TTC39C: variants seen among roughly 807,000 people sequenced by gnomAD.
The protein encoded by TTC39C is tetratricopeptide repeat domain 39C, also known as tetratricopeptide repeat protein 39C.
A neutral mutation model predicts 76.3 loss-of-function variants in TTC39C; 33 were observed. The observed-to-expected ratio is 0.43, with a 90% CI of 0.33 to 0.58. TTC39C has a LOEUF of 0.58. TTC39C is among the 20% of genes least tolerant of loss of function. The probability of loss-of-function intolerance (pLI) is 0.04; values close to 1 mark genes in which losing one functional copy is unlikely to be tolerated. For synonymous variants in TTC39C, 254 were observed against 260.6 expected (o/e 0.97, Z 0.24); for missense variants, 595 against 701.4 (o/e 0.85, Z 1.71).
intron 10 of TTC39C, chr18:24,125,776 G>A: frequency 2.1e-6 from 1 of 479,976 alleles, no homozygotes; most frequent in South Asian, 4.0e-5. Context: ...CCTTGAACAT[G>A]TGCTGCTTTT....
intron 11 of TTC39C, among the ~76,000 whole-genome samples, chr18:24,129,605 C>T (rs2085096525): frequency 6.6e-6 from 1 of 151,908 alleles, no homozygotes; most frequent in Non-Finnish European, 1.5e-5. Flanking sequence ...GGAACCCCGT[C>T]TCTACTGAAA....
intron 6 of TTC39C, among the ~76,000 whole-genome samples, chr18:24,090,798 T>A (rs908977196): frequency 3.8e-5 from 2 of 52,874 alleles, no homozygotes; most frequent in African/African-American, 1.5e-4. Flanking sequence ...ATTAATTTAC[T>A]TTTTTTTTTT....
Position 24,069,245 on chromosome 18 carries a change from T to C in TTC39C, c.434T>C (p.Leu145Pro), listed in dbSNP as rs1438259559. 1 of 1,613,890 alleles carries C rather than the reference T, an allele frequency of 6.2e-7. No homozygotes were observed. Among genetic ancestry groups the C allele is most frequent in the South Asian group, 1.1e-5 (1 of 91,068 alleles). Reference sequence around the variant, plus strand: ...GACTGCCAGGTTTACCTGGCTGTGCTTTCATTTGTAAAACAAGAATTGTCA... The same window carrying C: ...GACTGCCAGGTTTACCTGGCTGTGCCTTCATTTGTAAAACAAGAATTGTCA... ...IADCQVYLAV[L>P]SFVKQELSAY... The change falls in exon 4 of 14, where the codon CTT becomes CCT. Residue 145 changes from leucine to proline, a missense_variant. Transcript: ENST00000317571.
intron 1 of TTC39C, among the ~76,000 whole-genome samples, chr18:24,009,066 A>G (rs1812510767): frequency 6.6e-6 from 1 of 152,146 alleles, no homozygotes; most frequent in Admixed American, 6.5e-5. Context: ...GAGGCTGGGA[A>G]AAAGGAGAGG....
intron 1 of TTC39C, among the ~76,000 whole-genome samples, chr18:24,034,101 G>A (rs552372681): frequency 3.4e-4 from 52 of 152,278 alleles, no homozygotes; most frequent in Non-Finnish European, 5.7e-4. Flanking sequence ...AAGGAGGAAG[G>A]TTGTAAGAAA....
intron 1 of TTC39C, among the ~76,000 whole-genome samples, chr18:24,032,813 A>G (rs2083686801): frequency 6.6e-6 from 1 of 152,242 alleles, no homozygotes; most frequent in Non-Finnish European, 1.5e-5. Flanking sequence ...GGCTGTACAA[A>G]TCCCAGTTAG....
chr18:24,045,914 TA>T (rs1568417381), intron 1 of TTC39C, among the ~76,000 whole-genome samples: 51 of 31,044 alleles, frequency 1.6e-3, no homozygotes, highest in African/African-American at 7.8e-3. Flanking sequence ...TATATATATA[TA>T]TATATATATA....
chr18:24,078,060 G>C (rs376383667), intron 4 of TTC39C, among the ~76,000 whole-genome samples: 2 of 152,246 alleles, frequency 1.3e-5, no homozygotes, highest in South Asian at 2.1e-4. Flanking sequence ...AAATATTCTT[G>C]TTAAGTAGAA....
chr18:24,102,764 G>A (rs1453697790), intron 6 of TTC39C, among the ~76,000 whole-genome samples: 1 of 152,182 alleles, frequency 6.6e-6, no homozygotes, highest in Non-Finnish European at 1.5e-5. Context: ...TGGCCCCTCT[G>A]ATGATGATGA....
intron 8 of TTC39C, chr18:24,123,580 T>A: frequency 3.4e-6 from 1 of 297,286 alleles, no homozygotes; most frequent in South Asian, 6.4e-5. Flanking sequence ...CTTATTTTTG[T>A]GTTTTTAGCA....
At chr18:23,999,598 A>C (rs2083296171) in intron 1 of TTC39C, among the ~76,000 whole-genome samples, 1 of 98,946 alleles carries the variant, frequency 1.0e-5, no homozygotes, top group South Asian at 2.5e-4. Context: ...TGCTGGGAAC[A>C]GCCGGTGCCC....
At chr18:24,017,380 T>C (rs529468145) in intron 1 of TTC39C, among the ~76,000 whole-genome samples, 7 of 152,322 alleles carry the variant, frequency 4.6e-5, no homozygotes, top group South Asian at 2.1e-4. Flanking sequence ...ATCTATAAAA[T>C]AGGAGTAACA....
chr18:24,047,668 A>G (rs1212315649), intron 1 of TTC39C, among the ~76,000 whole-genome samples: 3 of 152,098 alleles, frequency 2.0e-5, no homozygotes, highest in African/African-American at 7.2e-5. Flanking sequence ...AGGAAAACCT[A>G]TGCTTGTAAC....
chr18:24,059,971 C>G (rs1207860716), intron 1 of TTC39C, among the ~76,000 whole-genome samples: 1 of 152,150 alleles, frequency 6.6e-6, no homozygotes, highest in Non-Finnish European at 1.5e-5. Flanking sequence ...ATAAAACAAT[C>G]AGATCTCATG....
intron 1 of TTC39C, among the ~76,000 whole-genome samples, chr18:24,036,942 G>A (rs117983791): frequency 6.6e-6 from 1 of 152,178 alleles, no homozygotes; most frequent in Non-Finnish European, 1.5e-5. Flanking sequence ...CATTTTTAGG[G>A]TTTCTTACAT....
intron 2 of TTC39C, 139 bp from the exon 3 acceptor site, chr18:24,065,873 A>G (rs1364515241): frequency 5.9e-6 from 5 of 850,820 alleles, no homozygotes; most frequent in Non-Finnish European, 8.7e-6. Flanking sequence ...GAATGAATAG[A>G]TTATGCTGTA....
chr18:24,126,559 A>G (rs2085053777), intron 10 of TTC39C, among the ~76,000 whole-genome samples: 3 of 151,982 alleles, frequency 2.0e-5, no homozygotes, highest in Admixed American at 2.0e-4. Flanking sequence ...CTGTAATTCG[A>G]GTAGATGTGT....
chr18:24,084,036 G>T (rs2084411446), intron 6 of TTC39C, among the ~76,000 whole-genome samples: 2 of 152,014 alleles, frequency 1.3e-5, no homozygotes, highest in African/African-American at 4.8e-5. Flanking sequence ...TTGTTTTTTT[G>T]GGGGTGGGGA....
chr18:24,030,648 C>CATTT lies in TTC39C; in HGVS notation c.167+15610_167+15611insATTT, dbSNP rs1481201965. On this transcript the variant is annotated intron_variant, in intron 1 of 13. Transcript: ENST00000317571. ...TCTCTCAACAGCCCCAAAGATAGGC[C>CATTT]TTTTTTTTTTTTTTTTTTTTTGAGA... 6.7e-4 allele frequency among the ~76,000 whole-genome samples: 60 copies of CATTT among 89,062 alleles called. 1 individual carries two copies. Among genetic ancestry groups the CATTT allele is most frequent in the African/African-American group, 2.2e-3 (54 of 24,282 alleles). The allele number at this position is 89,062 out of a possible 152,430, so 58.4% of individuals were successfully genotyped here.
Sources: gnomAD v4.1 joint callset for allele counts (sites outside exome capture counted in the v4.1 genomes callset) on GRCh38, gnomAD v4.1.1 for gene constraint, MANE v1.5 for transcripts, NCBI Gene and HGNC (gene_info 2026-07-23, HGNC 2026-07-21) for gene names.